KIFAP3: variants seen among roughly 807,000 people sequenced by gnomAD.
KIFAP3 encodes kinesin associated protein 3, also known as kinesin-associated protein 3.
Under a neutral mutation model 106.5 loss-of-function variants are expected in KIFAP3, and 68 were observed. That is an observed-to-expected ratio of 0.64 (90% CI 0.53 to 0.78). KIFAP3 has a LOEUF of 0.78. Among genes scored for constraint, KIFAP3 ranks in the 30% least tolerant of loss-of-function variants. The pLI is 0.00. For missense variants in KIFAP3, 780 were observed against 941.8 expected (o/e 0.83, Z 2.25); for synonymous variants, 320 against 311.5 (o/e 1.03, Z -0.29).
Position 169,936,096 on chromosome 1 carries a change from A to C in KIFAP3, c.2274-14315T>G, listed in dbSNP as rs1663783858. Among the ~76,000 whole-genome samples, 3 of 151,972 alleles carry C rather than the reference A, an allele frequency of 2.0e-5. 1 individual carries two copies. In the South Asian group the frequency reaches 6.2e-4, roughly 31 times the overall value. On this transcript the variant is annotated intron_variant, in intron 19 of 19. Transcript: ENST00000361580. Reference sequence around the variant, plus strand: ...ATTAGAAAACCTGATGCATTTTAACAAATCCTTTATAATTTAAAACTCTTC... The same window carrying C: ...ATTAGAAAACCTGATGCATTTTAACCAATCCTTTATAATTTAAAACTCTTC...
chr1:169,998,015 T>C (rs1221022717), intron 10 of KIFAP3, among the ~76,000 whole-genome samples: 1 of 150,876 alleles, frequency 6.6e-6, no homozygotes, highest in Non-Finnish European at 1.5e-5. Flanking sequence ...CTCACTCTCA[T>C]AGAGTTATAA....
intron 11 of KIFAP3, among the ~76,000 whole-genome samples, chr1:169,987,078 T>C (rs1270709103): frequency 6.6e-6 from 1 of 152,114 alleles, no homozygotes; most frequent in African/African-American, 2.4e-5. Context: ...ATTTCAATTT[T>C]AATTAAAGCT....
At chr1:170,075,560 T>A (rs539366616), upstream of KIFAP3, among the ~76,000 whole-genome samples, 2 of 152,238 alleles carry the variant, frequency 1.3e-5, no homozygotes, top group Non-Finnish European at 2.9e-5. Flanking sequence ...GATGCAATTA[T>A]TGATTATCCG....
intron 8 of KIFAP3, among the ~76,000 whole-genome samples, chr1:170,025,157 A>G (rs1669042315): frequency 6.6e-6 from 1 of 152,166 alleles, no homozygotes; most frequent in African/African-American, 2.4e-5. Flanking sequence ...AAATTCAGTA[A>G]TACAATTATT....
chr1:169,973,949 A>C (rs2101893764), intron 16 of KIFAP3, among the ~76,000 whole-genome samples: 1 of 152,032 alleles, frequency 6.6e-6, no homozygotes, highest in South Asian at 2.1e-4. Flanking sequence ...AAAACCAATA[A>C]TTAAAATAGT....
intron 17 of KIFAP3, among the ~76,000 whole-genome samples, chr1:169,961,616 T>C (rs912141940): frequency 3.3e-5 from 5 of 152,078 alleles, no homozygotes; most frequent in Non-Finnish European, 5.9e-5. Flanking sequence ...GGTCCACTTA[T>C]ACACGGATTT....
intron 19 of KIFAP3, among the ~76,000 whole-genome samples, chr1:169,923,367 G>C (rs1052851398): frequency 2.6e-5 from 4 of 152,180 alleles, no homozygotes; most frequent in Non-Finnish European, 5.9e-5. Context: ...AGTGAACTAA[G>C]AGACACTGGT....
At chr1:169,948,589 T>C (rs1426469834) in intron 19 of KIFAP3, among the ~76,000 whole-genome samples, 1 of 152,000 alleles carries the variant, frequency 6.6e-6, no homozygotes, top group African/African-American at 2.4e-5. Flanking sequence ...TCTTTTCACT[T>C]TTTTGATCCT....
intron 1 of KIFAP3, among the ~76,000 whole-genome samples, chr1:170,081,276 A>G (rs1334843181): frequency 1.3e-5 from 2 of 152,242 alleles, no homozygotes. Context: ...TCTCTAGCTA[A>G]TAAGCACATA....
intron 19 of KIFAP3, among the ~76,000 whole-genome samples, chr1:169,925,263 C>CA: frequency 6.6e-6 from 1 of 151,954 alleles, no homozygotes; most frequent in East Asian, 1.9e-4. Flanking sequence ...TTTGAATCAC[C>CA]AAAATAGTGT....
chr1:170,020,987 T>C (rs1401285041), intron 9 of KIFAP3, among the ~76,000 whole-genome samples: 3 of 152,156 alleles, frequency 2.0e-5, no homozygotes, highest in African/African-American at 7.2e-5. Flanking sequence ...ATTTTTTTTA[T>C]ATGCTGACTT....
At chr1:170,029,158 G>C (rs1385666227) in intron 8 of KIFAP3, among the ~76,000 whole-genome samples, 1 of 152,120 alleles carries the variant, frequency 6.6e-6, no homozygotes, top group Non-Finnish European at 1.5e-5. Flanking sequence ...ACTTCATACT[G>C]ATAACAAGGA....
chr1:170,065,379 C>T (rs997048539), intron 1 of KIFAP3, among the ~76,000 whole-genome samples: 12 of 151,742 alleles, frequency 7.9e-5, no homozygotes, highest in African/African-American at 1.9e-4. Flanking sequence ...TTTGGGAAGC[C>T]GAGGTGGGTG....
At chr1:169,967,960 T>G (rs1385752437) in intron 17 of KIFAP3, among the ~76,000 whole-genome samples, 2 of 151,918 alleles carry the variant, frequency 1.3e-5, no homozygotes, top group African/African-American at 4.8e-5. Context: ...GAATCACAGC[T>G]AAGGTATGTC....
intron 10 of KIFAP3, among the ~76,000 whole-genome samples, chr1:170,000,764 T>C (rs1667624799): frequency 3.3e-5 from 5 of 152,152 alleles, no homozygotes; most frequent in Admixed American, 3.3e-4. Flanking sequence ...TGATCTCTTT[T>C]ATAATATATT....
chr1:170,015,819 C>T (rs1053599755), intron 10 of KIFAP3, among the ~76,000 whole-genome samples: 1 of 152,164 alleles, frequency 6.6e-6, no homozygotes, highest in Non-Finnish European at 1.5e-5. Context: ...ATGTTGACTG[C>T]ACAATGTTAA....
At chr1:169,928,709 A>AAAAAAAAAAAAAAAAAAAAAAT (rs1663289111) in intron 19 of KIFAP3, among the ~76,000 whole-genome samples, 1 of 150,134 alleles carries the variant, frequency 6.7e-6, no homozygotes, top group African/African-American at 2.4e-5. Flanking sequence ...CAAAAAAAAA[A>AAAAAAAAAAAAAAAAAAAAAAT]AAAAAAAAAA....
At chr1:169,934,364 T>C (rs1037623246) in intron 19 of KIFAP3, among the ~76,000 whole-genome samples, 1 of 152,172 alleles carries the variant, frequency 6.6e-6, no homozygotes, top group Non-Finnish European at 1.5e-5. Context: ...TATGTCATGA[T>C]TGATGAAAAT....
chr1:170,084,404 A>G (rs923425382), intron 1 of KIFAP3, among the ~76,000 whole-genome samples: 5 of 152,254 alleles, frequency 3.3e-5, no homozygotes, highest in African/African-American at 1.2e-4. Context: ...ATAAATGGCA[A>G]CTGCTGCTAT....
Sources: gnomAD v4.1 joint callset for allele counts (sites outside exome capture counted in the v4.1 genomes callset) on GRCh38, gnomAD v4.1.1 for gene constraint, MANE v1.5 for transcripts, NCBI Gene and HGNC (gene_info 2026-07-23, HGNC 2026-07-21) for gene names.